The following RNF130 variants were observed in gnomAD, a reference collection of about 807,000 sequenced individuals.
RNF130 encodes E3 ubiquitin-protein ligase RNF130.
RNF130 carries 21 observed loss-of-function variants against 44.6 expected under a neutral mutation model. The ratio of observed to expected loss-of-function variants is 0.47; its 90% CI spans 0.33 to 0.68. RNF130 has a LOEUF of 0.68. RNF130 is among the 30% of genes least tolerant of loss of function. RNF130 has a pLI of 0.02. For synonymous variants in RNF130, 214 were observed against 210.4 expected, an observed-to-expected ratio of 1.02 and a Z score of -0.15; for missense variants, 479 against 560.6, an observed-to-expected ratio of 0.85 and a Z score of 1.47.
chr5:180,056,808 A>G (rs962062019), intron 1 of RNF130, among the ~76,000 whole-genome samples: 1 of 152,230 alleles, frequency 6.6e-6, no homozygotes, highest in South Asian at 2.1e-4. Flanking sequence ...AGCAGAATGC[A>G]TAACTACCAC....
intron 1 of RNF130, among the ~76,000 whole-genome samples, chr5:180,070,612 G>T (rs1260949852): frequency 6.6e-6 from 1 of 152,142 alleles, no homozygotes; most frequent in Non-Finnish European, 1.5e-5. Flanking sequence ...GGGGATAATG[G>T]CAGATATCTC....
intron 2 of RNF130, among the ~76,000 whole-genome samples, chr5:180,033,497 G>A (rs539598937): frequency 1.4e-4 from 21 of 152,272 alleles, no homozygotes; most frequent in Admixed American, 1.2e-3. Flanking sequence ...GCTGAGGTGG[G>A]CAGGTCACTT....
chr5:179,978,154 AC>A, intron 5 of RNF130, 48 bp downstream of exon 5: 3 of 1,494,708 alleles, frequency 2.0e-6, no homozygotes, highest in Non-Finnish European at 2.8e-6. Flanking sequence ...AAGGAGGCAT[AC>A]AAAGCACATT....
At chr5:180,068,523 C>G (rs1054202282) in intron 1 of RNF130, among the ~76,000 whole-genome samples, 5 of 152,156 alleles carry the variant, frequency 3.3e-5, no homozygotes, top group Non-Finnish European at 5.9e-5. Context: ...AAGTATACTA[C>G]GTAAAGTATA....
intron 5 of RNF130, among the ~76,000 whole-genome samples, chr5:179,976,527 G>A (rs887474541): frequency 3.9e-5 from 6 of 152,128 alleles, no homozygotes; most frequent in East Asian, 1.9e-4. Flanking sequence ...CGTTTAGACC[G>A]TCAATGACTG....
At chr5:179,984,134 G>C (rs1434692778) in intron 3 of RNF130, among the ~76,000 whole-genome samples, 1 of 152,138 alleles carries the variant, frequency 6.6e-6, no homozygotes, top group Non-Finnish European at 1.5e-5. Flanking sequence ...TTGTATCATG[G>C]AACCTTGTTA....
Position 179,977,021 on chromosome 5 carries a change from G to C in RNF130, c.848+1182C>G, listed in dbSNP as rs1470400686. 2 of 152,210 alleles carry C rather than the reference G, an allele frequency of 1.3e-5. No homozygotes were observed. Among genetic ancestry groups the C allele is most frequent in the Admixed American group, 1.3e-4 (2 of 15,278 alleles). 9.4% of individuals were successfully genotyped at this position (152,210 alleles called of 1,614,324 possible). ...GTTTCCAGGGCAACCAGGCACAGGCGAGTCCTTTCCTCATGGAGGAAGGCT... is the reference window on the plus strand; with the variant it reads ...GTTTCCAGGGCAACCAGGCACAGGCCAGTCCTTTCCTCATGGAGGAAGGCT... On this transcript the variant is annotated intron_variant, in intron 5 of 8. Coordinates refer to ENST00000521389, the MANE Select transcript of RNF130 (RefSeq NM_018434.6). The surrounding 1 kb of genome is among the most constrained non-coding windows in gnomAD (Gnocchi z 4.1).
At chr5:179,940,525 C>T (rs937865045) in intron 7 of RNF130, among the ~76,000 whole-genome samples, 22 of 152,190 alleles carry the variant, frequency 1.4e-4, no homozygotes, top group Admixed American at 1.2e-3. Flanking sequence ...GCATGAGCCA[C>T]TGTGCCCGGC....
chr5:179,974,319 C>T (rs961679984), intron 5 of RNF130, among the ~76,000 whole-genome samples: 6 of 152,162 alleles, frequency 3.9e-5, no homozygotes, highest in East Asian at 1.9e-4. Flanking sequence ...GTACTTCTAA[C>T]GACTACACAC....
chr5:180,019,456 G>A (rs1763823512), intron 2 of RNF130, among the ~76,000 whole-genome samples: 1 of 152,104 alleles, frequency 6.6e-6, no homozygotes, highest in East Asian at 1.9e-4. Context: ...TGTATTCAGG[G>A]TCAAGCTGCA....
At chr5:179,968,408 G>A (rs951566610) in intron 6 of RNF130, among the ~76,000 whole-genome samples, 10 of 152,178 alleles carry the variant, frequency 6.6e-5, no homozygotes, top group Non-Finnish European at 1.5e-4. Flanking sequence ...GCTCACGCCT[G>A]TAATCCCGGC....
chr5:180,051,239 T>TATTTATTTATTTATTTATTTA lies in RNF130; in HGVS notation c.248-10613_248-10593dup, dbSNP rs1764680772. Among the ~76,000 whole-genome samples, 4 of 10,906 alleles carry TATTTATTTATTTATTTATTTA rather than the reference T, an allele frequency of 3.7e-4. No individual in the cohort carries two copies. In the South Asian group the frequency reaches 0.035, roughly 96 times the overall value. The allele number at this position is 10,906 out of a possible 152,430, so 7.2% of individuals were successfully genotyped here. ...TTATCACCTTTTTGTATAGATATTA[T>TATTTATTTATTTATTTATTTA]ATTTATTTATTTATTTATTTATTTA... On this transcript the variant is annotated intron_variant, in intron 1 of 8. Transcript: ENST00000521389.
rs528433171 is a variant in RNF130, at chr5:179,966,461, A to G, written c.1150+345T>C. 1.2e-3 allele frequency among the ~76,000 whole-genome samples: 177 copies of G among 152,300 alleles called. 1 individual carries two copies. Among genetic ancestry groups the G allele is most frequent in the African/African-American group, 4.1e-3 (169 of 41,566 alleles). On this transcript the variant is annotated intron_variant, in intron 7 of 8. Transcript: ENST00000521389. ...GAGCGCTCACAGCATACAACACACC[A>G]GCAATACTGCTGGGGGACTGTGTCA... is the stretch of plus-strand genomic sequence containing the variant.
intron 2 of RNF130, among the ~76,000 whole-genome samples, chr5:180,036,210 C>T (rs1011299798): frequency 2.1e-4 from 32 of 152,126 alleles, no homozygotes; most frequent in African/African-American, 7.5e-4. Flanking sequence ...TGTTTAGTAA[C>T]AGGCTGGGTT....
intron 2 of RNF130, among the ~76,000 whole-genome samples, chr5:180,023,499 G>T (rs1763919061): frequency 6.6e-6 from 1 of 152,086 alleles, no homozygotes; most frequent in Admixed American, 6.5e-5. Context: ...ACATCTTACA[G>T]CACCAGAAAG....
chr5:179,978,103 G>C, intron 5 of RNF130, 100 bp downstream of exon 5: 1 of 984,034 alleles, frequency 1.0e-6, no homozygotes, highest in Non-Finnish European at 1.6e-6. Flanking sequence ...AAAGCCACGA[G>C]GTGGGTGGCG....
chr5:180,071,380 G>C, intron 1 of RNF130, 76 bp downstream of exon 1: 1 of 1,211,896 alleles, frequency 8.3e-7, no homozygotes, highest in Non-Finnish European at 1.0e-6. Flanking sequence ...GGCCAGAGCC[G>C]GGGCCGGGAA....
rs149794023 is a variant in RNF130, at chr5:179,940,911, T to G, written c.1151-20485A>C. ...TTTTCTTCTCATTTTATTTTTTTGC[T>G]TCAGCTCAGATAGTCTCTCCTGACC... On this transcript the variant is annotated intron_variant, in intron 7 of 7. Coordinates refer to the RNF130 transcript ENST00000522208. Among the ~76,000 whole-genome samples the G allele has an allele frequency of 5.4e-3, 817 of 152,338 alleles. 4 individuals are homozygous for G. Among genetic ancestry groups the G allele is most frequent in the Middle Eastern group, 0.027 (8 of 294 alleles).
intron 1 of RNF130, among the ~76,000 whole-genome samples, chr5:180,052,051 C>T (rs1764698180): frequency 6.6e-6 from 1 of 152,162 alleles, no homozygotes; most frequent in Non-Finnish European, 1.5e-5. Context: ...TCTCTGTTCT[C>T]TTGGCTCCTA....
Sources: allele counts gnomAD v4.1 joint callset (sites outside exome capture counted in the v4.1 genomes callset), GRCh38; gene constraint gnomAD v4.1.1; non-coding constraint Gnocchi (gnomAD v3.1); transcripts MANE v1.5; gene names NCBI Gene and HGNC (gene_info 2026-07-23, HGNC 2026-07-21).